UHMK1: variants seen among roughly 807,000 people sequenced by gnomAD.
UHMK1 encodes U2AF homology motif kinase 1.
UHMK1 carries 18 observed loss-of-function variants against 44.0 expected under a neutral mutation model. The ratio of observed to expected loss-of-function variants is 0.41; its 90% confidence interval spans 0.28 to 0.61. The LOEUF is 0.61. UHMK1 is among the 20% of genes least tolerant of loss of function. UHMK1 has a pLI of 0.31. For synonymous variants in UHMK1, 231 were observed against 198.5 expected (o/e 1.16, Z -1.38); for missense variants, 463 against 522.5 (o/e 0.89, Z 1.11).
In UHMK1 at chr1:162,524,418, C is replaced by A. The variant is rs1050036548; in HGVS notation, c.*1868C>A. ...AAGAACTATTATTTTTTATTTTGGCCCTTTCAGGAGTTGATTATAAATTGG... is the reference window on the plus strand; with the variant it reads ...AAGAACTATTATTTTTTATTTTGGCACTTTCAGGAGTTGATTATAAATTGG... On this transcript the variant is annotated 3_prime_UTR_variant, in exon 8 of 8. Coordinates refer to ENST00000489294, the MANE Select transcript of UHMK1 (RefSeq NM_175866.5). 1.3e-5 allele frequency: 2 copies of A among 152,036 alleles called. No individual in the cohort carries two copies. Among genetic ancestry groups the A allele is most frequent in the African/African-American group, 2.4e-5 (1 of 41,380 alleles). The allele number at this position is 152,036 out of a possible 1,614,324, so 9.4% of individuals were successfully genotyped here. A position where few individuals can be genotyped will look rare whatever the true frequency, so the allele number is the denominator to read the frequency against.
chr1:162,497,209 T>G, upstream of UHMK1: 2 of 695,190 alleles, frequency 2.9e-6, no homozygotes. Flanking sequence ...GTCATGCAGA[T>G]GAAGCCTCCA....
At chr1:162,521,845 T>G (rs1382966810) in intron 7 of UHMK1, among the ~76,000 whole-genome samples, 1 of 152,180 alleles carries the variant, frequency 6.6e-6, no homozygotes, top group African/African-American at 2.4e-5. Context: ...GTCAGGCTGA[T>G]CTCGAATTCC....
intron 4 of UHMK1, among the ~76,000 whole-genome samples, chr1:162,511,247 G>C (rs1362772520): frequency 7.1e-6 from 1 of 141,384 alleles, no homozygotes; most frequent in Non-Finnish European, 1.5e-5. Context: ...TTGTAGTGCA[G>C]TGGTGTAAAC....
intron 6 of UHMK1, 83 bp downstream of exon 6, chr1:162,512,906 TCA>T: frequency 7.8e-7 from 1 of 1,279,212 alleles, no homozygotes; most frequent in East Asian, 2.4e-5. Context: ...TTCATATTTC[TCA>T]ATTTATCTAA....
In UHMK1 at chr1:162,528,208, G is replaced by A. The variant is rs894680380; in HGVS notation, c.*5658G>A. On this transcript the variant is annotated 3_prime_UTR_variant, in exon 8 of 8. Transcript: ENST00000489294. ...ATAGCTATATTATTTTATTAGCTTG[G>A]GTTGTCAGAAGATTGCCAATTTTAA... The A allele has an allele frequency of 2.6e-5, 4 of 151,860 alleles. No individual in the cohort carries two copies. The highest frequency in any genetic ancestry group is 9.7e-5 in the African/African-American group (4 of 41,336). The allele number at this position is 151,860 out of a possible 1,614,324, so 9.4% of individuals were successfully genotyped here.
chr1:162,512,975 G>A (rs917489746), intron 6 of UHMK1, 152 bp downstream of exon 6: 8 of 771,902 alleles, frequency 1.0e-5, no homozygotes, highest in Non-Finnish European at 1.6e-5. Context: ...TTTTTGAGGC[G>A]GAGTTTCACT....
In UHMK1 at chr1:162,525,984, A is replaced by C. The variant is rs1389088777; in HGVS notation, c.*3434A>C. On this transcript the variant is annotated 3_prime_UTR_variant, in exon 8 of 8. Transcript: ENST00000489294. ...TTGCTTATATTTTAACTATTGAGCA[A>C]GTTTATTATAAGGAATGCTGCCATA... The C allele has an allele frequency of 2.0e-5, 3 of 152,178 alleles. No individual in the cohort carries two copies. The highest frequency in any genetic ancestry group is 1.5e-5 in the Non-Finnish European group (1 of 68,020). The allele number at this position is 152,178 out of a possible 1,614,324, so 9.4% of individuals were successfully genotyped here. A position where few individuals can be genotyped will look rare whatever the true frequency, so the allele number is the denominator to read the frequency against.
chr1:162,497,246 T>C, upstream of UHMK1: 1 of 701,930 alleles, frequency 1.4e-6, no homozygotes, highest in Non-Finnish European at 2.6e-6. Flanking sequence ...GAAAATAGAT[T>C]GTAAATGTTT....
At chr1:162,509,572 CCTT>C (rs1309766099) in intron 4 of UHMK1, among the ~76,000 whole-genome samples, 2 of 152,122 alleles carry the variant, frequency 1.3e-5, no homozygotes, top group African/African-American at 4.8e-5. Flanking sequence ...CTTTCCTCTG[CCTT>C]CTTACACATA....
Position 162,501,081 on chromosome 1 carries a change from A to G in UHMK1, c.730A>G (p.Thr244Ala), listed in dbSNP as rs772940094. 1.1e-5 allele frequency: 18 copies of G among 1,614,128 alleles called. No individual in the cohort carries two copies. Among genetic ancestry groups the G allele is most frequent in the Non-Finnish European group, 1.5e-5 (18 of 1,180,014 alleles). The stretch of plus-strand genomic sequence containing the variant: ...GTTCTCAGGAATGAAACTGAAACAT[A>G]CAGTCAGATCTCAGGAATGGAAGGT... Reference protein sequence around the residue: ...EMFSGMKLKHTVRSQEWKANS... With the variant: ...EMFSGMKLKHAVRSQEWKANS... The change falls in exon 3 of 8, where the codon ACA becomes GCA. Residue 244 changes from threonine to alanine, a missense_variant. By Grantham distance (58) the Thr-to-Ala change is moderately conservative. This residue lies in a region of UHMK1 where 264 missense variants were observed against 326.3 expected (regional missense o/e 0.81). Coordinates refer to ENST00000489294, the MANE Select transcript of UHMK1 (RefSeq NM_175866.5).
chr1:162,503,971 T>G, intron 4 of UHMK1, 123 bp downstream of exon 4: 1 of 738,502 alleles, frequency 1.4e-6, no homozygotes, highest in Non-Finnish European at 2.1e-6. Flanking sequence ...AATGAAATAG[T>G]TTTACCAAAT....
chr1:162,508,192 A>C (rs1357818374), intron 4 of UHMK1, among the ~76,000 whole-genome samples: 1 of 151,678 alleles, frequency 6.6e-6, no homozygotes, highest in African/African-American at 2.4e-5. Flanking sequence ...GCTCACTGCA[A>C]CCTCCGCCTC....
intron 4 of UHMK1, among the ~76,000 whole-genome samples, chr1:162,506,854 ACT>A (rs1250302789): frequency 6.6e-6 from 1 of 150,878 alleles, no homozygotes; most frequent in South Asian, 2.1e-4. Context: ...ACAGAGGGAG[ACT>A]CTGTCTCAAG....
chr1:162,513,058 CA>C lies in UHMK1; in HGVS notation c.1024+236del, dbSNP rs993225083. On this transcript the variant is annotated intron_variant, in intron 6 of 7. Transcript: ENST00000489294. ...ACCTCTGCCTCCTGGGTTCAAGCCT[CA>C]GCCCCCCAAGTAGCTGAGATTACAG... is the stretch of plus-strand genomic sequence containing the variant. 2.7e-4 allele frequency: 103 copies of C among 380,718 alleles called. 1 individual carries two copies. The highest frequency in any genetic ancestry group is 2.5e-3 in the African/African-American group (100 of 39,442). 23.6% of individuals were successfully genotyped at this position (380,718 alleles called of 1,614,324 possible).
chr1:162,503,758 A>C lies in UHMK1; in HGVS notation c.758A>C (p.Asn253Thr). ...HTVRSQEWKA[N>T]SSAIIDHIFA... ...AACTTTTCTCCGTTTTTTAAGGCAA[A>C]CAGTTCTGCTATTATTGATCACATA... is the stretch of plus-strand genomic sequence containing the variant. The change falls in exon 4 of 8, where the codon AAC becomes ACC. Residue 253 changes from asparagine to threonine, a missense_variant. By Grantham distance (65) the Asn-to-Thr change is moderately conservative (BLOSUM62 0). Around this residue, in one of 3 missense-constraint regions of UHMK1, gnomAD observed 264 missense variants for 326.3 expected, o/e 0.81. Coordinates refer to ENST00000489294, the MANE Select transcript of UHMK1 (RefSeq NM_175866.5). The C allele has an allele frequency of 3.1e-6, 5 of 1,613,680 alleles. No individual in the cohort carries two copies. Among genetic ancestry groups the C allele is most frequent in the Non-Finnish European group, 4.2e-6 (5 of 1,179,820 alleles).
chr1:162,512,463 C>G (rs778832068), intron 4 of UHMK1, 37 bp from the exon 5 acceptor site: 2 of 1,550,666 alleles, frequency 1.3e-6, no homozygotes, highest in African/African-American at 2.8e-5. Flanking sequence ...TCAAAAGATT[C>G]AGCAGAAATG....
chr1:162,525,064 G>GT lies in UHMK1; in HGVS notation c.*2518dup, dbSNP rs1652199729. 6.6e-6 allele frequency: 1 copy of GT among 152,002 alleles called. No individual in the cohort carries two copies. The highest frequency in any genetic ancestry group is 6.6e-5 in the Admixed American group (1 of 15,232). 9.4% of individuals were successfully genotyped at this position (152,002 alleles called of 1,614,324 possible). ...CGCTTGCCACCACACCTGGCTAGAT[G>GT]TTTTATATTAAAGCCAGAGAATTGA... On this transcript the variant is annotated 3_prime_UTR_variant, in exon 8 of 8. Transcript: ENST00000489294.
rs757359263 is a variant in UHMK1, at chr1:162,512,776, T to A, written c.977T>A (p.Leu326Gln). 6.2e-7 allele frequency: 1 copy of A among 1,614,176 alleles called. No individual in the cohort carries two copies. Among genetic ancestry groups the A allele is most frequent in the South Asian group, 1.1e-5 (1 of 91,088 alleles). ...VMLPTPVLRL[L>Q]NVLDDDYLEN... ...CTTCCCACTCCAGTGCTAAGACTGCTGAATGTGCTGGATGATGATTATCTT... is the reference window on the plus strand; with the variant it reads ...CTTCCCACTCCAGTGCTAAGACTGCAGAATGTGCTGGATGATGATTATCTT... Residue 326 changes from leucine to glutamine, a missense_variant, in exon 6 of 8, where the codon CTG (leucine) becomes CAG (glutamine). Coordinates refer to ENST00000489294, the MANE Select transcript of UHMK1 (RefSeq NM_175866.5).
chr1:162,497,188 A>G, upstream of UHMK1: 3 of 678,318 alleles, frequency 4.4e-6, no homozygotes, highest in East Asian at 8.2e-5. Context: ...ACTTGTGGAG[A>G]CCAAAGTTTT....
Sources: gnomAD v4.1 joint callset for allele counts (sites outside exome capture counted in the v4.1 genomes callset) on GRCh38, gnomAD v4.1.1 for gene constraint, gnomAD v4.1.1 regional missense constraint, MANE v1.5 for transcripts, NCBI Gene and HGNC (gene_info 2026-07-23, HGNC 2026-07-21) for gene names.